TNR: variants seen among roughly 807,000 people sequenced by gnomAD.
The protein encoded by TNR is tenascin-R.
In TNR, 45 loss-of-function variants were observed where a neutral mutation model predicts 150.4. The observed-to-expected ratio is 0.30, with a 90% CI of 0.24 to 0.38. TNR has a LOEUF of 0.38. TNR is among the 10% of genes least tolerant of loss of function. The pLI is 1.00. For synonymous variants in TNR, 687 were observed against 678.4 expected (o/e 1.01, Z -0.20); for missense variants, 1,544 against 1,759.1 (o/e 0.88, Z 2.19).
intron 1 of TNR, among the ~76,000 whole-genome samples, chr1:175,670,590 T>C (rs1162484970): frequency 2.0e-5 from 3 of 152,034 alleles, no homozygotes; most frequent in Non-Finnish European, 4.4e-5. Flanking sequence ...GTGCCACAAG[T>C]GATTGAGATG....
At chr1:175,486,592 ATG>A (rs1219713753) in intron 2 of TNR, among the ~76,000 whole-genome samples, 1 of 152,196 alleles carries the variant, frequency 6.6e-6, no homozygotes, top group Non-Finnish European at 1.5e-5. Flanking sequence ...ATACACATGT[ATG>A]TGTCTTTATA....
intron 1 of TNR, among the ~76,000 whole-genome samples, chr1:175,617,147 T>C (rs1189529284): frequency 2.6e-5 from 4 of 152,198 alleles, no homozygotes; most frequent in Non-Finnish European, 5.9e-5. Context: ...TTCAATGGCA[T>C]GGTTAGAGTC....
chr1:175,417,075 G>GAAGGAAATAAAT (rs1654524540), intron 2 of TNR, among the ~76,000 whole-genome samples: 2 of 138,166 alleles, frequency 1.4e-5, no homozygotes, highest in Non-Finnish European at 3.1e-5. Context: ...AAGAAAGAAA[G>GAAGGAAATAAAT]AAATCTAAGA....
intron 1 of TNR, among the ~76,000 whole-genome samples, chr1:175,690,583 T>C (rs1666331399): frequency 6.6e-6 from 1 of 152,104 alleles, no homozygotes; most frequent in Non-Finnish European, 1.5e-5. Context: ...GCAGAGCAGT[T>C]GGGAGGATGA....
chr1:175,384,256 G>A (rs1232914132), intron 8 of TNR, among the ~76,000 whole-genome samples: 1 of 152,238 alleles, frequency 6.6e-6, no homozygotes, highest in African/African-American at 2.4e-5. Context: ...GTGGTATTGT[G>A]GGGGTGGGAA....
At chr1:175,374,274 C>G (rs541680278) in intron 9 of TNR, among the ~76,000 whole-genome samples, 1 of 152,336 alleles carries the variant, frequency 6.6e-6, no homozygotes, top group Non-Finnish European at 1.5e-5. Flanking sequence ...CCGACCTTCT[C>G]ACCACTAGAT....
intron 2 of TNR, among the ~76,000 whole-genome samples, chr1:175,453,269 G>A (rs1033322565): frequency 5.3e-5 from 8 of 152,166 alleles, no homozygotes; most frequent in Admixed American, 5.2e-4. Flanking sequence ...TCATCCGGAT[G>A]ATTGGTGACG....
At chr1:175,625,332 C>G (rs917909431) in intron 1 of TNR, among the ~76,000 whole-genome samples, 2 of 152,350 alleles carry the variant, frequency 1.3e-5, no homozygotes, top group East Asian at 3.9e-4. Flanking sequence ...TGTAGCAGAA[C>G]TAGATGTTGG....
chr1:175,727,161 A>G (rs1173531388), intron 1 of TNR, among the ~76,000 whole-genome samples: 1 of 152,260 alleles, frequency 6.6e-6, no homozygotes, highest in Non-Finnish European at 1.5e-5. Flanking sequence ...TTAACAGTGC[A>G]TATGGAGTCA....
intron 2 of TNR, among the ~76,000 whole-genome samples, chr1:175,417,537 T>G (rs549670264): frequency 6.6e-6 from 1 of 152,310 alleles, no homozygotes; most frequent in Admixed American, 6.5e-5. Flanking sequence ...TATTAGCAGA[T>G]GGACCACTGG....
Position 175,386,158 on chromosome 1 carries a change from G to A in TNR, c.1651C>T (p.Arg551Trp), listed in dbSNP as rs200243334. The change falls in exon 8 of 23, where the codon CGG becomes TGG. Residue 551 changes from arginine (R) to tryptophan (W), a missense_variant. Around this residue, in one of 2 missense-constraint regions of TNR, gnomAD observed 1,254 missense variants for 1,329.4 expected, o/e 0.94. Transcript: ENST00000367674. ...VGGEGGRTTFRLQPPLSQYSV... is the reference protein window; with the variant it reads ...VGGEGGRTTFWLQPPLSQYSV... ...TATTGGCTCAGGGGAGGCTGCAGCC[G>A]GAAGGTGGTCCTCCCACCTTCCCCG... 3.3e-5 allele frequency: 53 copies of A among 1,612,884 alleles called. 1 individual carries two copies. Among genetic ancestry groups the A allele is most frequent in the African/African-American group, 1.7e-4 (13 of 74,954 alleles).
At chr1:175,464,078 A>G (rs1416955375) in intron 2 of TNR, among the ~76,000 whole-genome samples, 9 of 152,382 alleles carry the variant, frequency 5.9e-5, no homozygotes, top group African/African-American at 2.2e-4. Flanking sequence ...CTTGATCCTC[A>G]CATGACTAAT....
intron 21 of TNR, among the ~76,000 whole-genome samples, chr1:175,329,137 T>C (rs1649574964): frequency 6.6e-6 from 1 of 152,200 alleles, no homozygotes; most frequent in Admixed American, 6.5e-5. Flanking sequence ...ATTGAACAGA[T>C]GCAGTAACTG....
chr1:175,714,800 C>T (rs1667110416), intron 1 of TNR, among the ~76,000 whole-genome samples: 1 of 152,186 alleles, frequency 6.6e-6, no homozygotes, highest in African/African-American at 2.4e-5. Context: ...GGACAATGTG[C>T]AAGACAATCA....
At chr1:175,517,610 C>T (rs1441651248) in intron 2 of TNR, among the ~76,000 whole-genome samples, 2 of 152,154 alleles carry the variant, frequency 1.3e-5, no homozygotes, top group African/African-American at 2.4e-5. Flanking sequence ...GAATTGGACT[C>T]GCCATGAGGT....
chr1:175,506,739 C>G (rs895440917), intron 2 of TNR, among the ~76,000 whole-genome samples: 6 of 152,150 alleles, frequency 3.9e-5, no homozygotes, highest in African/African-American at 1.4e-4. Flanking sequence ...CAATCACTTG[C>G]TAGGGCAGTC....
intron 1 of TNR, among the ~76,000 whole-genome samples, chr1:175,539,647 G>A (rs1174063022): frequency 6.6e-6 from 1 of 152,218 alleles, no homozygotes. Flanking sequence ...ACTTTCTGAA[G>A]AAACCTCATA....
At chr1:175,594,481 T>C (rs1024978481) in intron 1 of TNR, among the ~76,000 whole-genome samples, 3 of 152,224 alleles carry the variant, frequency 2.0e-5, no homozygotes, top group African/African-American at 2.4e-5. Flanking sequence ...GCATCTTTTG[T>C]TTATGCATTT....
At chr1:175,558,272 TAATA>T (rs1558005709) in intron 1 of TNR, among the ~76,000 whole-genome samples, 1 of 148,720 alleles carries the variant, frequency 6.7e-6, no homozygotes, top group East Asian at 2.0e-4. Flanking sequence ...TAAAGTATAA[TAATA>T]AAAAAAAAAG....
Sources: allele counts gnomAD v4.1 joint callset (sites outside exome capture counted in the v4.1 genomes callset), GRCh38; gene constraint gnomAD v4.1.1; regional missense constraint gnomAD v4.1.1; transcripts MANE v1.5; gene names NCBI Gene and HGNC (gene_info 2026-07-23, HGNC 2026-07-21).